Variants in FBXW5 observed in about 807,000 individuals in gnomAD.
FBXW5 encodes the protein F-box/WD repeat-containing protein 5.
Under a neutral mutation model 50.9 loss-of-function variants are expected in FBXW5, and 74 were observed. That is an observed-to-expected ratio of 1.45 (90% CI 1.20 to 1.76). The LOEUF (loss-of-function observed/expected upper bound fraction) is 1.76, where lower values mean the gene tolerates loss of function less well. FBXW5 is among the 40% of genes most tolerant of loss of function. FBXW5 has a pLI of 0.00. For missense variants in FBXW5, 1,073 were observed against 818.8 expected (o/e 1.31, Z -3.79); for synonymous variants, 523 against 362.2 (o/e 1.44, Z -5.04).
Position 136,942,486 on chromosome 9 carries a change from C to T in FBXW5, c.676-20G>A. ...CACATCCTGGGGGCGGGGGCACGTG[C>T]CAGGTGGGCGCCGGGCGCCAGGCCC... On this transcript the variant is annotated intron_variant, in intron 5 of 8. Coordinates refer to ENST00000325285, the MANE Select transcript of FBXW5 (RefSeq NM_018998.4). The T allele has an allele frequency of 6.3e-7, 1 of 1,598,496 alleles. No homozygotes were observed. The highest frequency in any genetic ancestry group is 8.6e-7 in the Non-Finnish European group (1 of 1,169,296).
At chr9:136,941,798 G>T (rs1414753794) in intron 6 of FBXW5, 114 bp from the exon 7 acceptor site, 7 of 1,450,364 alleles carry the variant, frequency 4.8e-6, no homozygotes, top group Non-Finnish European at 6.3e-6. Context: ...GAGGTCCGTG[G>T]GCACTGCCTG....
intron 2 of FBXW5, 73 bp downstream of exon 2, chr9:136,943,818 A>C (rs1335436075): frequency 6.8e-7 from 1 of 1,479,828 alleles, no homozygotes; most frequent in Non-Finnish European, 9.1e-7. Flanking sequence ...GCCCCCAGCC[A>C]GGCTGACCCC....
intron 2 of FBXW5, 116 bp downstream of exon 2, chr9:136,943,775 G>A (rs865839154): frequency 1.7e-6 from 2 of 1,208,320 alleles, no homozygotes; most frequent in Non-Finnish European, 2.3e-6. Flanking sequence ...GGGTGTGGGG[G>A]GGTGAGCATG....
At chr9:136,944,468 G>A in intron 1 of FBXW5, 126 bp downstream of exon 1, 1 of 976,532 alleles carries the variant, frequency 1.0e-6, no homozygotes, top group South Asian at 4.7e-5. Flanking sequence ...CCCTGGAGCA[G>A]CTCTGCCCGG....
At position 136,942,249 on chromosome 9, in the gene FBXW5, G is replaced by T; in HGVS notation, c.893C>A (p.Ala298Asp). 1 of 1,583,586 alleles carries T rather than the reference G, an allele frequency of 6.3e-7. No individual in the cohort carries two copies. The highest frequency in any genetic ancestry group is 2.3e-5 in the East Asian group (1 of 43,240). Residue 298 changes from alanine (A) to aspartate (D), a missense_variant, in exon 6 of 9, where the codon GCC becomes GAC. Physicochemically the swap from Ala to Asp is moderately radical, Grantham distance 126 (BLOSUM62 -2). Coordinates refer to ENST00000325285, the MANE Select transcript of FBXW5 (RefSeq NM_018998.4). Reference sequence around the variant, plus strand: ...CAGAAAGTGCCGCAAGCCCTCCTTGGCGTGGGCGGGGGCCGGGCCAGCCAC... The same window carrying T: ...CAGAAAGTGCCGCAAGCCCTCCTTGTCGTGGGCGGGGGCCGGGCCAGCCAC... ...EVVAGPAPAHAKEGLRHFLDR... is the reference protein window; with the variant it reads ...EVVAGPAPAHDKEGLRHFLDR...
rs200423543 is a variant in FBXW5 at position 136,943,962 on chromosome 9, C to T, written c.122G>A (p.Arg41Gln). 3.3e-3 allele frequency: 5,156 copies of T among 1,565,274 alleles called. 8 individuals carry two copies. Among genetic ancestry groups the T allele is most frequent in the Non-Finnish European group, 4.2e-3 (4,887 of 1,156,278 alleles). Residue 41 changes from arginine (R) to glutamine (Q), a missense_variant, in exon 2 of 9, where the codon CGG becomes CAG. By Grantham distance (43) the Arg-to-Gln change is conservative. Transcript: ENST00000325285. ...LVCRQWQAVS[R>Q]DEFLWREQFY... is the part of the protein sequence containing the mutation. ...CTGCTCCCTCCACAGGAACTCGTCC[C>T]GCGACACGGCCTGCCATTGGCGGCA...
At position 136,942,697 on chromosome 9, in the gene FBXW5, T is replaced by C. The variant is rs769612103; in HGVS notation, c.527-2A>G. 1.2e-6 allele frequency: 2 copies of C among 1,611,006 alleles called. No individual in the cohort carries two copies. Among genetic ancestry groups the C allele is most frequent in the Non-Finnish European group, 1.7e-6 (2 of 1,179,196 alleles). ...CGCGGGACAGCAGCGCGAAGGAGTC[T>C]GTGGGGAGGCCGGGGCTGGACAGGC... is the stretch of plus-strand genomic sequence containing the variant. On this transcript the variant is annotated splice_acceptor_variant, in intron 4 of 8. Coordinates refer to ENST00000325285, the MANE Select transcript of FBXW5 (RefSeq NM_018998.4). LOFTEE classifies it high-confidence loss of function.
chr9:136,944,126 G>GC lies in FBXW5; in HGVS notation c.-23-21dup, dbSNP rs1315438421. 1 of 1,532,230 alleles carries GC rather than the reference G, an allele frequency of 6.5e-7. No individual in the cohort carries two copies. The highest frequency in any genetic ancestry group is 2.4e-5 in the East Asian group (1 of 40,826). 94.9% of individuals were successfully genotyped at this position (1,532,230 alleles called of 1,614,324 possible). A position where few individuals can be genotyped will look rare whatever the true frequency, so the allele number is the denominator to read the frequency against. ...GCGGCCCTGAAACCCACCAACGGCT[G>GC]CCCTCAGCCCAGGCCCGGGAAGGGA... On this transcript the variant is annotated intron_variant, in intron 1 of 8. Coordinates refer to ENST00000325285, the MANE Select transcript of FBXW5 (RefSeq NM_018998.4).
In FBXW5 at chr9:136,944,116, A is replaced by C. The variant is rs1260540139; in HGVS notation, c.-23-10T>G. The C allele has an allele frequency of 1.9e-6, 3 of 1,548,232 alleles. No individual in the cohort carries two copies. The highest frequency in any genetic ancestry group is 2.6e-6 in the Non-Finnish European group (3 of 1,146,016). ...TTCTGCCCAGGCGGCCCTGAAACCC[A>C]CCAACGGCTGCCCTCAGCCCAGGCC... On this transcript the variant is annotated splice_polypyrimidine_tract_variant and intron_variant, in intron 1 of 8. Coordinates refer to ENST00000325285, the MANE Select transcript of FBXW5 (RefSeq NM_018998.4).
chr9:136,944,118 C>A lies in FBXW5; in HGVS notation c.-23-12G>T. ...CTGCCCAGGCGGCCCTGAAACCCAC[C>A]AACGGCTGCCCTCAGCCCAGGCCCG... On this transcript the variant is annotated splice_polypyrimidine_tract_variant and intron_variant, in intron 1 of 8. Coordinates refer to ENST00000325285, the MANE Select transcript of FBXW5 (RefSeq NM_018998.4). The A allele has an allele frequency of 6.5e-7, 1 of 1,545,814 alleles. No individual in the cohort carries two copies.
At position 136,941,289 on chromosome 9, in the gene FBXW5, G is replaced by A. The variant is rs372563353; in HGVS notation, c.1419C>T (p.Phe473=). 25 of 1,608,376 alleles carry A rather than the reference G, an allele frequency of 1.6e-5. No individual in the cohort carries two copies. Among genetic ancestry groups the A allele is most frequent in the African/African-American group, 9.3e-5 (7 of 75,054 alleles). The change falls in exon 8 of 9, where the codon TTC becomes TTT. Residue 473 remains phenylalanine, a synonymous_variant. Coordinates refer to ENST00000325285, the MANE Select transcript of FBXW5 (RefSeq NM_018998.4). ...HRAYTPNDEC[F]FIFLDVSRDF... is the part of the protein sequence containing the mutation. ...CCCTGCTGACGTCCAGGAAGATGAA[G>A]AAGCACTCGTCGTTGGGCGTGTAGG... is the stretch of plus-strand genomic sequence containing the variant.
Position 136,944,576 on chromosome 9 carries a change from G to A in FBXW5, c.-24+18C>T. On this transcript the variant is annotated intron_variant, in intron 1 of 8. Transcript: ENST00000325285. ...GGGACGACAAGGCGGGACCCCCGAGGGCCGCAGGCGCACTCACCACGGCCG... is the reference window on the plus strand; with the variant it reads ...GGGACGACAAGGCGGGACCCCCGAGAGCCGCAGGCGCACTCACCACGGCCG... The A allele has an allele frequency of 1.0e-6, 1 of 983,924 alleles. No individual in the cohort carries two copies. Among genetic ancestry groups the A allele is most frequent in the Non-Finnish European group, 1.2e-6 (1 of 829,194 alleles). The allele number at this position is 983,924 out of a possible 1,614,324, so 60.9% of individuals were successfully genotyped here. A position where few individuals can be genotyped will look rare whatever the true frequency, so the allele number is the denominator to read the frequency against.
intron 3 of FBXW5, 112 bp from the exon 4 acceptor site, chr9:136,943,055 G>T (rs1333588189): frequency 2.7e-5 from 41 of 1,526,472 alleles, no homozygotes; most frequent in Non-Finnish European, 3.5e-5. Context: ...AGGCCACCAG[G>T]GAGCAGGGAC....
chr9:136,944,370 G>T, intron 1 of FBXW5: 1 of 640,912 alleles, frequency 1.6e-6, no homozygotes, highest in Non-Finnish European at 2.0e-6. Flanking sequence ...CGCCGCACGC[G>T]AGGCACGGGG....
rs372737281 is a variant in FBXW5, at chr9:136,942,217, C to T, written c.925G>A (p.Val309Met). The T allele has an allele frequency of 2.7e-5, 43 of 1,592,940 alleles. No individual in the cohort carries two copies. Among genetic ancestry groups the T allele is most frequent in the Middle Eastern group, 1.7e-4 (1 of 6,042 alleles). The change falls in exon 6 of 9, where the codon GTG (valine) becomes ATG (methionine). Residue 309 changes from valine (V) to methionine (M), a missense_variant. Physicochemically the swap from Val to Met is conservative, Grantham distance 21. Transcript: ENST00000325285. ...TGTGGCTGCGCCCGCCCCTCCAGCACGCGGTCCAGAAAGTGCCGCAAGCCC... is the reference window on the plus strand; with the variant it reads ...TGTGGCTGCGCCCGCCCCTCCAGCATGCGGTCCAGAAAGTGCCGCAAGCCC... The part of the protein sequence containing the change: ...KEGLRHFLDR[V>M]LEGRAQPQLS...
At chr9:136,943,822 TGACCCCCAAGCGCA>T (rs1280212016) in intron 2 of FBXW5, 55 bp downstream of exon 2, 5 of 1,493,316 alleles carry the variant, frequency 3.3e-6, no homozygotes, top group Non-Finnish European at 4.5e-6. Flanking sequence ...CCAGCCAGGC[TGACCCCCAAGCGCA>T]GGGGCCCGGG....
At position 136,942,165 on chromosome 9, in the gene FBXW5, T is replaced by C; in HGVS notation, c.977A>G (p.Lys326Arg). 6.2e-7 allele frequency: 1 copy of C among 1,602,960 alleles called. No individual in the cohort carries two copies. The highest frequency in any genetic ancestry group is 8.5e-7 in the Non-Finnish European group (1 of 1,175,432). The change falls in exon 6 of 9, where the codon AAG becomes AGG. Residue 326 changes from lysine to arginine, a missense_variant. Transcript: ENST00000325285. ...GCCCTGGGCCAGCAGCTCGGCCACCTTGGTCTCTAGCATGCGCTCCGACAG... is the reference window on the plus strand; with the variant it reads ...GCCCTGGGCCAGCAGCTCGGCCACCCTGGTCTCTAGCATGCGCTCCGACAG... ...PQLSERMLET[K>R]VAELLAQGHT...
At chr9:136,943,253 C>A (rs891775966) in intron 3 of FBXW5, 96 bp downstream of exon 3, 11 of 1,196,062 alleles carry the variant, frequency 9.2e-6, no homozygotes, top group East Asian at 4.8e-5. Flanking sequence ...GACCCACCCC[C>A]CCCCCCACCA....
intron 2 of FBXW5, 139 bp from the exon 3 acceptor site, chr9:136,943,645 G>T: frequency 8.0e-7 from 1 of 1,248,918 alleles, no homozygotes; most frequent in Non-Finnish European, 1.1e-6. Context: ...CTCGGCTGGG[G>T]GATTCAACCC....
Sources: gnomAD v4.1 joint callset for allele counts on GRCh38, gnomAD v4.1.1 for gene constraint, MANE v1.5 for transcripts, NCBI Gene and HGNC (gene_info 2026-07-23, HGNC 2026-07-21) for gene names.